The following ZNF609 variants were observed in gnomAD, a reference collection of about 807,000 sequenced individuals.
ZNF609 encodes the protein zinc finger protein 609.
Under a neutral mutation model 109.5 loss-of-function variants are expected in ZNF609, and 11 were observed. The ratio of observed to expected loss-of-function variants is 0.10; its 90% CI spans 0.06 to 0.17. ZNF609 has a LOEUF of 0.17. ZNF609 is among the 10% of genes least tolerant of loss of function. The probability of loss-of-function intolerance (pLI) is 1.00; values close to 1 mark genes in which losing one functional copy is unlikely to be tolerated. For synonymous variants in ZNF609, 646 were observed against 662.0 expected, an observed-to-expected ratio of 0.98 and a Z score of 0.37; for missense variants, 1,559 against 1,772.4, an observed-to-expected ratio of 0.88 and a Z score of 2.16.
At chr15:64,522,074 T>C (rs982539128) in intron 2 of ZNF609, among the ~76,000 whole-genome samples, 1 of 152,214 alleles carries the variant, frequency 6.6e-6, no homozygotes, top group Non-Finnish European at 1.5e-5. Context: ...AGCACAAGCA[T>C]TGTTATCTCT....
In ZNF609 at chr15:64,499,137, A is replaced by C. The variant is rs896107399; in HGVS notation, c.-127-156A>C. Among the ~76,000 whole-genome samples, 3 of 152,320 alleles carry C rather than the reference A, an allele frequency of 2.0e-5. No individual in the cohort carries two copies. The East Asian group carries it at 5.8e-4, about 29-fold the overall frequency. On this transcript the variant is annotated intron_variant, in intron 1 of 9. Coordinates refer to ENST00000326648, the MANE Select transcript of ZNF609 (RefSeq NM_015042.2). ...GGGAATTGATTTTTCCTTAGGTCCA[A>C]TGTAACTTGGTTAGAAATACAATTG...
chr15:64,676,024 C>G lies in ZNF609; in HGVS notation c.3170C>G (p.Thr1057Arg), dbSNP rs1193039391. ...ACTCTCACCAAGGCCCCCAGCCTGACAGACCTGGTGAAATCAGGACCTGGC... is the reference window on the plus strand; with the variant it reads ...ACTCTCACCAAGGCCCCCAGCCTGAGAGACCTGGTGAAATCAGGACCTGGC... ...PPTLTKAPSL[T>R]DLVKSGPGKA... The change falls in exon 5 of 10, where the codon ACA becomes AGA. Residue 1057 changes from threonine to arginine, a missense_variant. By Grantham distance (71) the Thr-to-Arg change is moderately conservative. This residue lies in a region of ZNF609 where 1,204 missense variants were observed against 1,314.1 expected (regional missense o/e 0.92). Coordinates refer to ENST00000326648, the MANE Select transcript of ZNF609 (RefSeq NM_015042.2). 1.2e-6 allele frequency: 2 copies of G among 1,614,258 alleles called. No individual in the cohort carries two copies. Among genetic ancestry groups the G allele is most frequent in the South Asian group, 2.2e-5 (2 of 91,088 alleles).
intron 2 of ZNF609, among the ~76,000 whole-genome samples, chr15:64,578,350 C>T (rs912042975): frequency 6.6e-6 from 1 of 151,866 alleles, no homozygotes; most frequent in African/African-American, 2.4e-5. Flanking sequence ...GGAGTTGCTC[C>T]CTCTCATTCT....
chr15:64,645,853 A>T (rs1271452100), intron 3 of ZNF609, among the ~76,000 whole-genome samples: 1 of 152,228 alleles, frequency 6.6e-6, no homozygotes, highest in African/African-American at 2.4e-5. Flanking sequence ...ACCTACTAGG[A>T]TGGTTGTTAT....
intron 3 of ZNF609, among the ~76,000 whole-genome samples, chr15:64,644,426 T>C (rs1408105070): frequency 6.6e-6 from 1 of 152,140 alleles, no homozygotes; most frequent in Non-Finnish European, 1.5e-5. Context: ...AGTGTGAGGT[T>C]ACAGTGAGCT....
intron 2 of ZNF609, among the ~76,000 whole-genome samples, chr15:64,534,752 G>A (rs1268066553): frequency 6.6e-6 from 1 of 151,880 alleles, no homozygotes; most frequent in Non-Finnish European, 1.5e-5. Flanking sequence ...TGTTATTTAG[G>A]CCCGGTGCAG....
At chr15:64,653,454 G>A (rs1360818178) in intron 3 of ZNF609, among the ~76,000 whole-genome samples, 2 of 152,134 alleles carry the variant, frequency 1.3e-5, no homozygotes, top group Non-Finnish European at 2.9e-5. Flanking sequence ...AGAACAGCCT[G>A]GGCAACACGG....
intron 2 of ZNF609, among the ~76,000 whole-genome samples, chr15:64,608,122 C>G (rs1895643586): frequency 6.6e-6 from 1 of 151,892 alleles, no homozygotes; most frequent in East Asian, 1.9e-4. Flanking sequence ...GTCTCGAACT[C>G]CTGACCTCAG....
chr15:64,475,911 C>T (rs1000675247), intron 1 of ZNF609, among the ~76,000 whole-genome samples: 9 of 152,074 alleles, frequency 5.9e-5, no homozygotes, highest in Admixed American at 2.6e-4. Flanking sequence ...GCAAAAGTAA[C>T]GTAACTTCCA....
At chr15:64,585,198 G>A (rs550842984) in intron 2 of ZNF609, among the ~76,000 whole-genome samples, 4 of 152,050 alleles carry the variant, frequency 2.6e-5, no homozygotes, top group Non-Finnish European at 5.9e-5. Flanking sequence ...GGTGATGCAC[G>A]CCTGTAATTC....
intron 4 of ZNF609, among the ~76,000 whole-genome samples, chr15:64,671,984 G>A (rs2141012675): frequency 6.7e-6 from 1 of 149,722 alleles, no homozygotes; most frequent in Admixed American, 6.6e-5. Context: ...GAGATGCTGG[G>A]CCAGGTTTCT....
At chr15:64,577,025 T>TATATATATGTATATATACACAA (rs1894979208) in intron 2 of ZNF609, among the ~76,000 whole-genome samples, 3 of 42,272 alleles carry the variant, frequency 7.1e-5, no homozygotes, top group African/African-American at 1.8e-4. Flanking sequence ...TACACATAAA[T>TATATATATGTATATATACACAA]ATATATATGT....
chr15:64,612,789 C>T (rs1895738517), intron 2 of ZNF609, among the ~76,000 whole-genome samples: 1 of 151,864 alleles, frequency 6.6e-6, no homozygotes, highest in East Asian at 1.9e-4. Flanking sequence ...CCAAGGCCAG[C>T]GGTTCACTTG....
intron 8 of ZNF609, among the ~76,000 whole-genome samples, 187 bp downstream of exon 8, chr15:64,681,049 T>C (rs1274269873): frequency 6.6e-6 from 1 of 152,140 alleles, no homozygotes; most frequent in Non-Finnish European, 1.5e-5. Flanking sequence ...GCATATGATA[T>C]TTATTCCTCC....
intron 2 of ZNF609, among the ~76,000 whole-genome samples, chr15:64,607,203 T>A (rs568104966): frequency 1.3e-5 from 2 of 151,732 alleles, no homozygotes; most frequent in East Asian, 3.9e-4. Flanking sequence ...AAATAAATAA[T>A]AGAACTATCA....
At chr15:64,671,805 C>A (rs1048356264) in intron 4 of ZNF609, among the ~76,000 whole-genome samples, 11 of 152,180 alleles carry the variant, frequency 7.2e-5, no homozygotes, top group Non-Finnish European at 1.5e-4. Flanking sequence ...CTGAACAGTT[C>A]TTTTAGGAAA....
chr15:64,652,106 C>T (rs1030106716), intron 3 of ZNF609, among the ~76,000 whole-genome samples: 3 of 152,106 alleles, frequency 2.0e-5, no homozygotes, highest in African/African-American at 4.8e-5. Flanking sequence ...GTGGTGCAAT[C>T]GCAGCTCACT....
At chr15:64,665,757 T>G (rs1219047563) in intron 3 of ZNF609, among the ~76,000 whole-genome samples, 4 of 151,772 alleles carry the variant, frequency 2.6e-5, no homozygotes, top group African/African-American at 9.7e-5. Flanking sequence ...AAATATAAAA[T>G]TAGCTGGGCG....
At chr15:64,535,812 A>G (rs1894132870) in intron 2 of ZNF609, among the ~76,000 whole-genome samples, 2 of 152,100 alleles carry the variant, frequency 1.3e-5, no homozygotes, top group African/African-American at 4.8e-5. Flanking sequence ...TATTTTAGCT[A>G]TCCTGGCAGG....
Sources: gnomAD v4.1 joint callset for allele counts (sites outside exome capture counted in the v4.1 genomes callset) on GRCh38, gnomAD v4.1.1 for gene constraint, gnomAD v4.1.1 regional missense constraint, MANE v1.5 for transcripts, NCBI Gene and HGNC (gene_info 2026-07-23, HGNC 2026-07-21) for gene names.